The following PRKCH variants were observed in gnomAD, a reference collection of about 807,000 sequenced individuals.
The protein encoded by PRKCH is protein kinase C eta.
In PRKCH, 28 loss-of-function variants were observed where a neutral mutation model predicts 82.5. That is an observed-to-expected ratio of 0.34 (90% CI 0.25 to 0.47). The LOEUF (loss-of-function observed/expected upper bound fraction) is 0.47. Among genes scored for constraint, PRKCH ranks in the 20% least tolerant of loss-of-function variants. The probability of loss-of-function intolerance (pLI) is 1.00; values close to 1 mark genes in which losing one functional copy is unlikely to be tolerated. For synonymous variants in PRKCH, 322 were observed against 327.4 expected (o/e 0.98, Z 0.18); for missense variants, 705 against 881.8 (o/e 0.80, Z 2.54).
At chr14:61,362,184 T>TA (rs888194731) in intron 1 of PRKCH, among the ~76,000 whole-genome samples, 5 of 151,734 alleles carry the variant, frequency 3.3e-5, no homozygotes, top group Admixed American at 6.6e-5. Context: ...GTTTTTATGT[T>TA]AAAAAAATAG....
intron 1 of PRKCH, among the ~76,000 whole-genome samples, chr14:61,371,226 A>G (rs1225324670): frequency 6.6e-6 from 1 of 152,124 alleles, no homozygotes; most frequent in Non-Finnish European, 1.5e-5. Flanking sequence ...GAGAATTCCC[A>G]TATACCCAAC....
intron 1 of PRKCH, among the ~76,000 whole-genome samples, chr14:61,362,945 GAGA>G (rs2046248931): frequency 1.3e-5 from 2 of 152,214 alleles, no homozygotes; most frequent in Admixed American, 6.5e-5. Flanking sequence ...TCCCTCATGT[GAGA>G]AGAAGGGAGG....
intron 2 of PRKCH, among the ~76,000 whole-genome samples, chr14:61,438,907 A>G (rs1883809240): frequency 6.6e-6 from 1 of 152,194 alleles, no homozygotes; most frequent in South Asian, 2.1e-4. Flanking sequence ...CACCCTGTGG[A>G]TGGGGTGGCT....
chr14:61,436,315 G>A (rs987450590), intron 2 of PRKCH, among the ~76,000 whole-genome samples: 1 of 152,148 alleles, frequency 6.6e-6, no homozygotes, highest in African/African-American at 2.4e-5. Context: ...GTTGGTGTTT[G>A]TGTGGGCTGA....
intron 2 of PRKCH, among the ~76,000 whole-genome samples, chr14:61,427,784 T>C (rs1466620084): frequency 1.3e-5 from 2 of 151,912 alleles, no homozygotes; most frequent in East Asian, 2.0e-4. Context: ...CAGGGTTTCA[T>C]CATGTTACCC....
rs186559746 is a variant in PRKCH at position 61,516,085 on chromosome 14, C to T, written c.1434-12990C>T. 5.3e-5 allele frequency among the ~76,000 whole-genome samples: 8 copies of T among 152,216 alleles called. 1 individual carries two copies. The highest frequency in any genetic ancestry group is 1.7e-4 in the African/African-American group (7 of 41,498). On this transcript the variant is annotated intron_variant, in intron 10 of 13. Transcript: ENST00000332981. ...CTAATCAGGCTCTAAAGTCTGTGCC[C>T]GTAGCCTCACAATATGCTGCCCATT... is the stretch of plus-strand genomic sequence containing the variant.
intron 10 of PRKCH, among the ~76,000 whole-genome samples, chr14:61,493,155 A>G (rs1419619811): frequency 6.6e-6 from 1 of 152,188 alleles, no homozygotes; most frequent in Non-Finnish European, 1.5e-5. Context: ...TGCCTATCAC[A>G]GGAAACATAA....
chr14:61,384,296 G>A (rs1408943791), intron 1 of PRKCH, among the ~76,000 whole-genome samples: 2 of 152,172 alleles, frequency 1.3e-5, no homozygotes, highest in Non-Finnish European at 2.9e-5. Flanking sequence ...GCCCCTTAGA[G>A]AGAATCTGGC....
intron 1 of PRKCH, among the ~76,000 whole-genome samples, chr14:61,266,704 A>G (rs1179561111): frequency 6.6e-6 from 1 of 152,242 alleles, no homozygotes; most frequent in Non-Finnish European, 1.5e-5. Context: ...ATATGTAACT[A>G]GAAATGGCTT....
Position 61,229,461 on chromosome 14 carries a change from T to C in PRKCH, c.-19+41793T>C, listed in dbSNP as rs1241551891. Among the ~76,000 whole-genome samples, 3 of 152,346 alleles carry C rather than the reference T, an allele frequency of 2.0e-5. No individual in the cohort carries two copies. In the East Asian group the frequency reaches 5.8e-4, roughly 29 times the overall value. On this transcript the variant is annotated intron_variant, in intron 1 of 3. Transcript: ENST00000555185. Reference sequence around the variant, plus strand: ...CCTGCCATTGTTCACCTGAGGCACCTGAATGAATGAACAGATTTCTCATAA... The same window carrying C: ...CCTGCCATTGTTCACCTGAGGCACCCGAATGAATGAACAGATTTCTCATAA...
rs1337803945 is a variant in PRKCH, at chr14:61,365,590, G to A, written c.364-25635G>A. 1.3e-5 allele frequency among the ~76,000 whole-genome samples: 2 copies of A among 152,028 alleles called. 1 individual carries two copies. The highest frequency in any genetic ancestry group is 4.8e-5 in the African/African-American group (2 of 41,302). On this transcript the variant is annotated intron_variant, in intron 1 of 13. Transcript: ENST00000332981. ...AGCAGTTTCTAGTGCTGAGGGACAC[G>A]ATAGATTTATGCTGAATTGTATATT...
intron 1 of PRKCH, among the ~76,000 whole-genome samples, chr14:61,257,504 C>T (rs1389336513): frequency 6.6e-6 from 1 of 151,916 alleles, no homozygotes; most frequent in Non-Finnish European, 1.5e-5. Flanking sequence ...AAAATAAAAA[C>T]TCATTTTAAT....
At chr14:61,246,461 C>T (rs1039450898) in intron 1 of PRKCH, among the ~76,000 whole-genome samples, 1 of 151,924 alleles carries the variant, frequency 6.6e-6, no homozygotes, top group African/African-American at 2.4e-5. Flanking sequence ...ATCATGAATC[C>T]ATGCCCCTCA....
At chr14:61,513,035 CACTT>C (rs2042770056) in intron 10 of PRKCH, among the ~76,000 whole-genome samples, 2 of 152,104 alleles carry the variant, frequency 1.3e-5, no homozygotes, top group South Asian at 2.1e-4. Flanking sequence ...CCCAAGCTGA[CACTT>C]ACAGTAACAG....
At chr14:61,251,797 G>A (rs187149739) in intron 1 of PRKCH, among the ~76,000 whole-genome samples, 6 of 151,848 alleles carry the variant, frequency 4.0e-5, no homozygotes, top group East Asian at 1.9e-4. Flanking sequence ...TAAAGTGGTC[G>A]TACTAATTAA....
chr14:61,546,954 G>A (rs2140043183), intron 12 of PRKCH, among the ~76,000 whole-genome samples: 1 of 152,278 alleles, frequency 6.6e-6, no homozygotes. Flanking sequence ...ATTTAGCCCA[G>A]CATATTTTGA....
rs748407203 is a variant in PRKCH, at chr14:61,280,988, A to AGAGGCCCAGGCCCAGGCCGATG, written c.-19+93321_-19+93342dup. On this transcript the variant is annotated intron_variant, in intron 1 of 3. Coordinates refer to the PRKCH transcript ENST00000555185. This position sits in a 1 kb window ranked among gnomAD's most constrained non-coding sequence, Gnocchi z 5.0. The stretch of plus-strand genomic sequence containing the variant: ...TCCTTGATGCCGTTGGAGGAGTAGT[A>AGAGGCCCAGGCCCAGGCCGATG]GAGGCCCAGGCCCAGGCCGATGAAG... The AGAGGCCCAGGCCCAGGCCGATG allele has an allele frequency of 6.5e-6, 10 of 1,542,410 alleles. No individual in the cohort carries two copies. The highest frequency in any genetic ancestry group is 3.4e-4 in the Middle Eastern group (2 of 5,960).
intron 10 of PRKCH, among the ~76,000 whole-genome samples, chr14:61,500,976 A>G (rs776535996): frequency 6.6e-6 from 1 of 152,228 alleles, no homozygotes; most frequent in Non-Finnish European, 1.5e-5. Context: ...AAAATGAGAC[A>G]GTATTGGCTT....
rs959341893 is a variant in PRKCH at position 61,321,964 on chromosome 14, G to T, written c.-138G>T. The T allele has an allele frequency of 3.3e-6, 3 of 920,026 alleles. No individual in the cohort carries two copies. The highest frequency in any genetic ancestry group is 4.8e-6 in the Non-Finnish European group (3 of 630,686). The allele number at this position is 920,026 out of a possible 1,614,324, so 57.0% of individuals were successfully genotyped here. A position where few individuals can be genotyped will look rare whatever the true frequency, so the allele number is the denominator to read the frequency against. ...CACGGAGGAGGCAGAATGGCCAGTC[G>T]AGGGGCGCTTAGGCGCTGCCTTTCC... is the stretch of plus-strand genomic sequence containing the variant. On this transcript the variant is annotated 5_prime_UTR_variant, in exon 1 of 14. Coordinates refer to ENST00000332981, the MANE Select transcript of PRKCH (RefSeq NM_006255.5). This position sits in a 1 kb window ranked among gnomAD's most constrained non-coding sequence, Gnocchi z 4.1.
Sources: gnomAD v4.1 joint callset for allele counts (sites outside exome capture counted in the v4.1 genomes callset) on GRCh38, gnomAD v4.1.1 for gene constraint, Gnocchi (gnomAD v3.1) non-coding constraint, MANE v1.5 for transcripts, NCBI Gene and HGNC (gene_info 2026-07-23, HGNC 2026-07-21) for gene names.